Variants in UNC79 observed in about 807,000 individuals in gnomAD.
The protein encoded by UNC79 is unc-79 subunit of NALCN channel complex, also known as protein unc-79 homolog.
In UNC79, 37 loss-of-function variants were observed where a neutral mutation model predicts 283.1. The observed-to-expected ratio is 0.13, with a 90% CI of 0.10 to 0.17. UNC79 has a LOEUF of 0.17. UNC79 is among the 10% of genes least tolerant of loss of function. The pLI, the probability that UNC79 is intolerant of heterozygous loss-of-function variation, is 1.00. For synonymous variants in UNC79, 1,107 were observed against 1,200.2 expected, an observed-to-expected ratio of 0.92 and a Z score of 1.61; for missense variants, 2,272 against 3,211.1, an observed-to-expected ratio of 0.71 and a Z score of 7.07.
At chr14:93,521,494 A>AT (rs1482847275) in intron 7 of UNC79, among the ~76,000 whole-genome samples, 1 of 151,900 alleles carries the variant, frequency 6.6e-6, no homozygotes, top group Non-Finnish European at 1.5e-5. Context: ...AAACAAGACC[A>AT]TACTATTCTG....
chr14:93,591,806 C>T (rs773894504), intron 22 of UNC79, among the ~76,000 whole-genome samples: 11 of 152,152 alleles, frequency 7.2e-5, no homozygotes, highest in African/African-American at 1.4e-4. Flanking sequence ...ATGAAAAAGA[C>T]GCGAGAACTG....
intron 41 of UNC79, among the ~76,000 whole-genome samples, chr14:93,676,327 T>C (rs2073339571): frequency 6.6e-6 from 1 of 152,198 alleles, no homozygotes. Context: ...CTCAAGGTGC[T>C]GGGATTACAG....
At position 93,528,581 on chromosome 14, in the gene UNC79, A is replaced by G. The variant is rs148305523; in HGVS notation, c.987A>G (p.Ser329=). The change falls in exon 9 of 49, where the codon TCA becomes TCG. Residue 329 remains serine, a synonymous_variant. Coordinates refer to ENST00000555664, the Ensembl canonical transcript of UNC79. ...AGATGTGTATAGACCCTTCCCTGTC[A>G]GTAGCGTTGGGTGATAAACCACCCC... The G allele has an allele frequency of 3.2e-4, 524 of 1,613,966 alleles. 4 individuals carry two copies. The East Asian group carries it at 9.7e-3, about 30-fold the overall frequency.
intron 3 of UNC79, among the ~76,000 whole-genome samples, chr14:93,476,080 C>T (rs1011338280): frequency 3.3e-5 from 5 of 152,030 alleles, no homozygotes; most frequent in Non-Finnish European, 7.4e-5. Context: ...CTGGTCCCAC[C>T]CGGGGACTAG....
At chr14:93,704,452 G>A (rs1168463119) in intron 47 of UNC79, among the ~76,000 whole-genome samples, 173 bp from the exon 51 acceptor site, 1 of 152,204 alleles carries the variant, frequency 6.6e-6, no homozygotes, top group Admixed American at 6.5e-5. Context: ...CTGGCTCAGC[G>A]GGGTTTGGCC....
intron 27 of UNC79, among the ~76,000 whole-genome samples, chr14:93,614,134 A>AT (rs2066510958): frequency 6.6e-6 from 1 of 151,730 alleles, no homozygotes; most frequent in Non-Finnish European, 1.5e-5. Context: ...ACAATTTGCC[A>AT]TTTTAACAGT....
Position 93,391,952 on chromosome 14 carries a change from A to C in UNC79, c.-351+58429A>C, listed in dbSNP as rs371621996. Reference sequence around the variant, plus strand: ...TATATTAAAGAGATGGCACTCTCACATATGAGCAAAGATGTAGAACAACTG... The same window carrying C: ...TATATTAAAGAGATGGCACTCTCACCTATGAGCAAAGATGTAGAACAACTG... On this transcript the variant is annotated intron_variant, in intron 1 of 49. Transcript: ENST00000256339. Among the ~76,000 whole-genome samples the C allele has an allele frequency of 2.6e-5, 4 of 152,346 alleles. No homozygotes were observed. In the East Asian group the frequency reaches 7.7e-4, roughly 29 times the overall value.
chr14:93,656,083 G>A lies in UNC79; in HGVS notation c.6456+676G>A, dbSNP rs139825505. Among the ~76,000 whole-genome samples the A allele has an allele frequency of 5.7e-3, 874 of 152,280 alleles. 13 individuals carry two copies. Among genetic ancestry groups the A allele is most frequent in the Non-Finnish European group, 8.4e-3 (572 of 68,026 alleles). The stretch of plus-strand genomic sequence containing the variant: ...TAGCTTCTGGAAACAACACAGTGGT[G>A]GCAATGTGAGGATTAGAACTGAGGT... On this transcript the variant is annotated intron_variant, in intron 38 of 48. Coordinates refer to ENST00000555664, the Ensembl canonical transcript of UNC79.
At chr14:93,449,263 C>A (rs867780280) in intron 1 of UNC79, among the ~76,000 whole-genome samples, 1 of 152,136 alleles carries the variant, frequency 6.6e-6, no homozygotes, top group Admixed American at 6.5e-5. Context: ...TTCCAGAATC[C>A]TCCTCTTTTA....
At chr14:93,508,368 G>A (rs1173146087) in intron 7 of UNC79, among the ~76,000 whole-genome samples, 1 of 152,072 alleles carries the variant, frequency 6.6e-6, no homozygotes, top group African/African-American at 2.4e-5. Flanking sequence ...ATTAAAAACA[G>A]CAGCAGCAGT....
chr14:93,618,413 T>A (rs2066888768), intron 29 of UNC79, 59 bp downstream of exon 30: 2 of 1,463,178 alleles, frequency 1.4e-6, no homozygotes, highest in South Asian at 1.4e-5. Flanking sequence ...TTCTGGACAA[T>A]GTTTTCTTAG....
In UNC79 at chr14:93,690,987, C is replaced by T. The variant is rs1323553396; in HGVS notation, c.7272+684C>T. ...TCTTGGGGACAGCTCGGGTTTGGGA[C>T]AGGGCAAGCTGACGATGTGATAAAA... On this transcript the variant is annotated intron_variant, in intron 45 of 48. Coordinates refer to ENST00000555664, the Ensembl canonical transcript of UNC79. This position sits in a 1 kb window ranked among gnomAD's most constrained non-coding sequence, Gnocchi z 4.3. 2 of 153,222 alleles carry T rather than the reference C, an allele frequency of 1.3e-5. No individual in the cohort carries two copies. The highest frequency in any genetic ancestry group is 2.9e-5 in the Non-Finnish European group (2 of 68,818). The allele number at this position is 153,222 out of a possible 1,614,324, so 9.5% of individuals were successfully genotyped here. A position where few individuals can be genotyped will look rare whatever the true frequency, so the allele number is the denominator to read the frequency against.
rs745316908 is a variant in UNC79 at position 93,688,088 on chromosome 14, G to A, written c.6910-577G>A. Among the ~76,000 whole-genome samples the A allele has an allele frequency of 6.6e-6, 1 of 152,246 alleles. No individual in the cohort carries two copies. The highest frequency in any genetic ancestry group is 1.5e-5 in the Non-Finnish European group (1 of 68,026). ...TCTTTCTAAATTAATTCAACAAATA[G>A]GTATGAGCACCTGTAATGTCGTGGC... On this transcript the variant is annotated intron_variant, in intron 43 of 48. Transcript: ENST00000555664. The surrounding 1 kb of genome is among the most constrained non-coding windows in gnomAD (Gnocchi z 4.0).
intron 43 of UNC79, among the ~76,000 whole-genome samples, chr14:93,687,798 G>A (rs1329662805): frequency 3.9e-5 from 6 of 152,102 alleles, no homozygotes; most frequent in African/African-American, 1.4e-4. Flanking sequence ...CAAAGAAGAG[G>A]AAACAATTAT....
chr14:93,688,946 G>A lies in UNC79; in HGVS notation c.7085+106G>A. On this transcript the variant is annotated intron_variant, in intron 44 of 48. Coordinates refer to ENST00000555664, the Ensembl canonical transcript of UNC79. This position sits in a 1 kb window ranked among gnomAD's most constrained non-coding sequence, Gnocchi z 4.0. The stretch of plus-strand genomic sequence containing the variant: ...AGGAGTACACCGAAGATTTATGACA[G>A]TGGAATATACTTGGTTAGGAAGATG... 1.6e-6 allele frequency: 2 copies of A among 1,243,846 alleles called. No homozygotes were observed. Among genetic ancestry groups the A allele is most frequent in the South Asian group, 1.7e-5 (1 of 58,438 alleles). 77.1% of individuals were successfully genotyped at this position (1,243,846 alleles called of 1,614,324 possible). A position where few individuals can be genotyped will look rare whatever the true frequency, so the allele number is the denominator to read the frequency against.
chr14:93,637,208 AT>A lies in UNC79; in HGVS notation c.5717-7del. 1 of 1,099,366 alleles carries A rather than the reference AT, an allele frequency of 9.1e-7. No individual in the cohort carries two copies. The highest frequency in any genetic ancestry group is 1.4e-6 in the Non-Finnish European group (1 of 709,918). 68.1% of individuals were successfully genotyped at this position (1,099,366 alleles called of 1,614,324 possible). On this transcript the variant is annotated splice_polypyrimidine_tract_variant and splice_region_variant and intron_variant, in intron 31 of 48. Coordinates refer to ENST00000555664, the Ensembl canonical transcript of UNC79. ...CATCAAAGACTGAAACCCTCTATTT[AT>A]CCACAGAACAGATACAGCCTGGGAA...
At chr14:93,652,251 G>T (rs1370944740) in intron 35 of UNC79, among the ~76,000 whole-genome samples, 2 of 151,868 alleles carry the variant, frequency 1.3e-5, no homozygotes, top group Non-Finnish European at 2.9e-5. Context: ...CAGTTTGAGG[G>T]TTTTTGTTGT....
chr14:93,544,737 T>G (rs2061521845), intron 14 of UNC79, among the ~76,000 whole-genome samples: 1 of 152,040 alleles, frequency 6.6e-6, no homozygotes, highest in Admixed American at 6.5e-5. Flanking sequence ...AAGCACAGAT[T>G]AATGGTTGGG....
chr14:93,415,725 A>C (rs1332711435), intron 1 of UNC79, among the ~76,000 whole-genome samples: 2 of 151,666 alleles, frequency 1.3e-5, no homozygotes, highest in African/African-American at 4.8e-5. Flanking sequence ...TCAGAGATTC[A>C]ACTTCTTCCT....
Sources: allele counts gnomAD v4.1 joint callset (sites outside exome capture counted in the v4.1 genomes callset), GRCh38; gene constraint gnomAD v4.1.1; non-coding constraint Gnocchi (gnomAD v3.1); transcripts MANE v1.5; gene names NCBI Gene and HGNC (gene_info 2026-07-23, HGNC 2026-07-21).